The following EVA1C variants were observed in gnomAD, a reference collection of about 807,000 sequenced individuals.
EVA1C encodes protein eva-1 homolog C.
A neutral mutation model predicts 45.4 loss-of-function variants in EVA1C; 25 were observed. The observed-to-expected ratio is 0.55, with a 90% CI of 0.40 to 0.77. The LOEUF (loss-of-function observed/expected upper bound fraction) is 0.77, where lower values mean the gene tolerates loss of function less well. Ranked by LOEUF, EVA1C falls within the 30% of genes least tolerant of loss-of-function variation. The pLI is 0.00. For synonymous variants in EVA1C, 190 were observed against 221.2 expected, an observed-to-expected ratio of 0.86 and a Z score of 1.25; for missense variants, 479 against 554.8, an observed-to-expected ratio of 0.86 and a Z score of 1.37.
At chr21:32,414,440 C>G (rs141395102) in intron 1 of EVA1C, among the ~76,000 whole-genome samples, 4 of 152,284 alleles carry the variant, frequency 2.6e-5, no homozygotes, top group African/African-American at 9.6e-5. Context: ...AACTGACAAG[C>G]CTTTTTGTGT....
At chr21:32,490,402 G>A (rs2037116843) in intron 4 of EVA1C, among the ~76,000 whole-genome samples, 1 of 152,168 alleles carries the variant, frequency 6.6e-6, no homozygotes, top group African/African-American at 2.4e-5. Context: ...GTATGTGTCA[G>A]TTCTTAGGAG....
intron 3 of EVA1C, among the ~76,000 whole-genome samples, chr21:32,461,194 C>G (rs1175796667): frequency 6.6e-6 from 1 of 152,222 alleles, no homozygotes; most frequent in East Asian, 1.9e-4. Flanking sequence ...ATTGGCGCAG[C>G]CAGCCACAGG....
At chr21:32,479,017 G>A (rs2036682182) in intron 4 of EVA1C, among the ~76,000 whole-genome samples, 1 of 152,256 alleles carries the variant, frequency 6.6e-6, no homozygotes, top group South Asian at 2.1e-4. Context: ...CAGGTTGGAA[G>A]GAGTAATTAA....
At chr21:32,437,415 C>T (rs1286131300) in intron 1 of EVA1C, among the ~76,000 whole-genome samples, 1 of 152,166 alleles carries the variant, frequency 6.6e-6, no homozygotes, top group Non-Finnish European at 1.5e-5. Flanking sequence ...CTTCAAGGGT[C>T]TCTCCAGTCC....
chr21:32,504,327 G>T (rs1286896971), intron 7 of EVA1C, among the ~76,000 whole-genome samples: 1 of 152,198 alleles, frequency 6.6e-6, no homozygotes, highest in Non-Finnish European at 1.5e-5. Flanking sequence ...ATTCGGGAAG[G>T]AACTAGGATT....
intron 4 of EVA1C, among the ~76,000 whole-genome samples, chr21:32,469,948 A>G (rs2036309825): frequency 6.6e-6 from 1 of 152,200 alleles, no homozygotes; most frequent in Non-Finnish European, 1.5e-5. Context: ...AACTGGGAGC[A>G]ATAGCCTAGT....
intron 1 of EVA1C, among the ~76,000 whole-genome samples, chr21:32,448,971 G>GAA (rs61646446): frequency 1.7e-5 from 2 of 120,216 alleles, no homozygotes; most frequent in African/African-American, 8.0e-5. Flanking sequence ...GAAAGAAAAA[G>GAA]AAAGAAAGAA....
At chr21:32,511,746 T>C (rs1463857417) in intron 7 of EVA1C, among the ~76,000 whole-genome samples, 2 of 152,166 alleles carry the variant, frequency 1.3e-5, no homozygotes, top group Non-Finnish European at 2.9e-5. Context: ...GTGTTGGCAG[T>C]AGTTCTGAAA....
intron 6 of EVA1C, among the ~76,000 whole-genome samples, chr21:32,503,152 G>T (rs114852023): frequency 0.016 from 2,481 of 152,312 alleles, 69 homozygotes; most frequent in African/African-American, 0.057. Flanking sequence ...CCCACATTTT[G>T]CTGTTGTTTC....
chr21:32,507,488 CTG>C (rs977825383), intron 7 of EVA1C, among the ~76,000 whole-genome samples: 7 of 138,858 alleles, frequency 5.0e-5, no homozygotes, highest in African/African-American at 1.6e-4. Context: ...GTGTATGCGT[CTG>C]TGTGCGTGTG....
intron 1 of EVA1C, among the ~76,000 whole-genome samples, chr21:32,430,548 G>T (rs1352644894): frequency 6.6e-6 from 1 of 152,132 alleles, no homozygotes; most frequent in Admixed American, 6.6e-5. Context: ...AGAAAAAGAG[G>T]TTTAATGGAC....
intron 3 of EVA1C, among the ~76,000 whole-genome samples, chr21:32,461,075 T>C (rs1307149276): frequency 6.6e-6 from 1 of 151,970 alleles, no homozygotes. Flanking sequence ...TGACTAGGGG[T>C]TCAGTGGAGT....
At chr21:32,426,170 A>C (rs563414737) in intron 1 of EVA1C, among the ~76,000 whole-genome samples, 1 of 152,164 alleles carries the variant, frequency 6.6e-6, no homozygotes, top group South Asian at 2.1e-4. Flanking sequence ...CCTTTCCTCC[A>C]AGGACCTTGT....
At chr21:32,488,801 G>A (rs1568937161) in intron 4 of EVA1C, among the ~76,000 whole-genome samples, 1 of 152,140 alleles carries the variant, frequency 6.6e-6, no homozygotes, top group East Asian at 1.9e-4. Context: ...GGCCAGGCTG[G>A]TCTCGAACTC....
At chr21:32,511,887 C>T (rs987674142) in intron 7 of EVA1C, among the ~76,000 whole-genome samples, 29 of 152,052 alleles carry the variant, frequency 1.9e-4, no homozygotes, top group Admixed American at 1.9e-3. Context: ...AACCTGGCAA[C>T]AGCAGGAGAG....
In EVA1C at chr21:32,452,404, AGGGGGCAT is replaced by A. The variant is rs1311923827; in HGVS notation, c.161-906_161-899del. The A allele has an allele frequency of 6.6e-6, 1 of 152,152 alleles. No individual in the cohort carries two copies. The highest frequency in any genetic ancestry group is 6.5e-5 in the Admixed American group (1 of 15,274). 9.4% of individuals were successfully genotyped at this position (152,152 alleles called of 1,614,324 possible). A position where few individuals can be genotyped will look rare whatever the true frequency, so the allele number is the denominator to read the frequency against. ...AGTACCCTGCTGCTCAAACCCCTAG[AGGGGGCAT>A]GCAGATGGACAGGTCGTGGGGAGCG... On this transcript the variant is annotated intron_variant, in intron 1 of 7. Transcript: ENST00000300255. This position sits in a 1 kb window ranked among gnomAD's most constrained non-coding sequence, Gnocchi z 4.0.
rs1383302779 is a variant in EVA1C at position 32,457,735 on chromosome 21, AG to A, written c.481+20del. 2.5e-6 allele frequency: 4 copies of A among 1,613,872 alleles called. No homozygotes were observed. Among genetic ancestry groups the A allele is most frequent in the Non-Finnish European group, 3.4e-6 (4 of 1,179,928 alleles). ...ATGCCAACCTAGTAAGTAACTTCGG[AG>A]GGGGACAGTGTGTTTGGGGTGTGGT... On this transcript the variant is annotated intron_variant, in intron 3 of 7. Transcript: ENST00000300255.
At chr21:32,434,616 A>G (rs1450516696) in intron 1 of EVA1C, among the ~76,000 whole-genome samples, 2 of 150,266 alleles carry the variant, frequency 1.3e-5, no homozygotes, top group Non-Finnish European at 3.0e-5. Context: ...AAATAAATAA[A>G]TAAATAAATA....
chr21:32,495,310 G>A (rs774370964), intron 5 of EVA1C, 140 bp downstream of exon 5: 6 of 743,022 alleles, frequency 8.1e-6, no homozygotes, highest in East Asian at 2.8e-5. Context: ...CCAGATACCC[G>A]AGAGCCCTTT....
Sources: allele counts gnomAD v4.1 joint callset (sites outside exome capture counted in the v4.1 genomes callset), GRCh38; gene constraint gnomAD v4.1.1; non-coding constraint Gnocchi (gnomAD v3.1); transcripts MANE v1.5; gene names NCBI Gene and HGNC (gene_info 2026-07-23, HGNC 2026-07-21).